Variants in PLD1 observed in about 807,000 individuals in gnomAD.
PLD1 encodes phospholipase D1.
Under a neutral mutation model 137.1 loss-of-function variants are expected in PLD1, and 112 were observed. That is an observed-to-expected ratio of 0.82 (90% CI 0.70 to 0.96). The LOEUF is 0.96. Among genes scored for constraint, PLD1 ranks in the 40% least tolerant of loss-of-function variants. The pLI is 0.00. For missense variants in PLD1, 1,321 were observed against 1,342.0 expected (o/e 0.98, Z 0.24); for synonymous variants, 431 against 454.7 (o/e 0.95, Z 0.66).
intron 20 of PLD1, among the ~76,000 whole-genome samples, chr3:171,660,447 TCTC>T (rs1216557626): frequency 1.6e-4 from 25 of 152,328 alleles, no homozygotes; most frequent in Non-Finnish European, 3.2e-4. Context: ...GTCCTTTACT[TCTC>T]CTTTTTTGGA....
chr3:171,662,019 G>C, intron 20 of PLD1, 41 bp downstream of exon 20: 1 of 1,093,372 alleles, frequency 9.1e-7, no homozygotes. Context: ...ATATTTAAGG[G>C]AAGGCAGTTT....
chr3:171,742,528 T>C (rs939835085), intron 1 of PLD1, among the ~76,000 whole-genome samples: 1 of 152,134 alleles, frequency 6.6e-6, no homozygotes, highest in African/African-American at 2.4e-5. Flanking sequence ...TTAACTGAGA[T>C]AAATAAATGC....
At chr3:171,712,307 T>C (rs1045283328) in intron 9 of PLD1, among the ~76,000 whole-genome samples, 1 of 152,170 alleles carries the variant, frequency 6.6e-6, no homozygotes, top group African/African-American at 2.4e-5. Flanking sequence ...TTTCTAGGGA[T>C]GGAGACGAGA....
intron 1 of PLD1, among the ~76,000 whole-genome samples, chr3:171,805,351 C>A (rs1229626535): frequency 6.6e-6 from 1 of 152,194 alleles, no homozygotes; most frequent in Non-Finnish European, 1.5e-5. Context: ...GGAAGCAAGA[C>A]CTGCCATGAC....
chr3:171,746,096 C>T (rs1316725546), intron 1 of PLD1, among the ~76,000 whole-genome samples: 1 of 152,208 alleles, frequency 6.6e-6, no homozygotes, highest in Non-Finnish European at 1.5e-5. Flanking sequence ...CTTGAATTCT[C>T]ACTGGGCCTC....
chr3:171,786,256 T>C (rs551839157), intron 1 of PLD1, among the ~76,000 whole-genome samples: 50 of 152,362 alleles, frequency 3.3e-4, no homozygotes, highest in African/African-American at 1.1e-3. Context: ...CTGCTCTTCA[T>C]CAATCCCAGT....
At chr3:171,766,253 T>G (rs1232401925) in intron 1 of PLD1, among the ~76,000 whole-genome samples, 3 of 152,208 alleles carry the variant, frequency 2.0e-5, no homozygotes, top group Non-Finnish European at 4.4e-5. Flanking sequence ...ATTTCTACTA[T>G]TATATGTTGG....
Position 171,639,629 on chromosome 3 carries a change from CTATATAATATATATTA to C in PLD1, c.2593+3195_2593+3210del, listed in dbSNP as rs1196650931. 5.7e-5 allele frequency among the ~76,000 whole-genome samples: 4 copies of C among 69,668 alleles called. 1 individual carries two copies. The highest frequency in any genetic ancestry group is 3.9e-4 in the East Asian group (1 of 2,592). 45.7% of individuals were successfully genotyped at this position (69,668 alleles called of 152,430 possible). On this transcript the variant is annotated intron_variant, in intron 23 of 26. Coordinates refer to ENST00000351298, the MANE Select transcript of PLD1 (RefSeq NM_002662.5). ...ATATATATTATATATAATATATATT[CTATATAATATATATTA>C]TATATAATATATATTCATATAATAT...
At chr3:171,656,650 T>A (rs964599928) in intron 21 of PLD1, among the ~76,000 whole-genome samples, 59 of 152,346 alleles carry the variant, frequency 3.9e-4, no homozygotes, top group African/African-American at 1.3e-3. Flanking sequence ...AAGCTCTCTG[T>A]AATCTTGCAA....
chr3:171,782,125 T>C (rs1722818037), intron 1 of PLD1, among the ~76,000 whole-genome samples: 1 of 152,182 alleles, frequency 6.6e-6, no homozygotes, highest in African/African-American at 2.4e-5. Context: ...AAAGAAGCCT[T>C]ACATAAAAGA....
intron 1 of PLD1, among the ~76,000 whole-genome samples, chr3:171,774,152 G>C (rs1384092220): frequency 6.6e-6 from 1 of 152,178 alleles, no homozygotes; most frequent in East Asian, 1.9e-4. Flanking sequence ...AACCCAGGTC[G>C]GTGCTCCTAG....
Position 171,677,854 on chromosome 3 carries a change from G to A in PLD1, c.1868-160C>T, listed in dbSNP as rs1428573621. 3 of 597,656 alleles carry A rather than the reference G, an allele frequency of 5.0e-6. No homozygotes were observed. In the South Asian group the frequency reaches 7.9e-5, roughly 16 times the overall value. 37.0% of individuals were successfully genotyped at this position (597,656 alleles called of 1,614,324 possible). ...CTATTACAGGCTGTGGGCTAACAAG[G>A]TTTTACAGTCCTTACAAGTTTACTT... is the stretch of plus-strand genomic sequence containing the variant. On this transcript the variant is annotated intron_variant, in intron 16 of 26. Transcript: ENST00000351298.
intron 16 of PLD1, among the ~76,000 whole-genome samples, chr3:171,686,364 C>T (rs1328002289): frequency 6.6e-6 from 1 of 152,158 alleles, no homozygotes; most frequent in African/African-American, 2.4e-5. Flanking sequence ...ACCCAAATGT[C>T]CCCTCCTCAA....
intron 1 of PLD1, among the ~76,000 whole-genome samples, chr3:171,805,947 A>G (rs1429356744): frequency 2.0e-5 from 3 of 152,204 alleles, no homozygotes; most frequent in Non-Finnish European, 2.9e-5. Context: ...AAGCCAAGGT[A>G]GGAGGACCAC....
At position 171,684,826 on chromosome 3, in the gene PLD1, ATCC is replaced by A. The variant is rs1476151984; in HGVS notation, c.1867+1856_1867+1858del. 5.9e-5 allele frequency among the ~76,000 whole-genome samples: 9 copies of A among 152,162 alleles called. No individual in the cohort carries two copies. In the East Asian group the frequency reaches 1.7e-3, roughly 29 times the overall value. On this transcript the variant is annotated intron_variant, in intron 16 of 26. Coordinates refer to ENST00000351298, the MANE Select transcript of PLD1 (RefSeq NM_002662.5). ...GGTCTTGAATTCCTGGGCTCAAGCAATCCTCCTGCTTCAGCCTCCCAAATTGCT... is the reference window on the plus strand; with the variant it reads ...GGTCTTGAATTCCTGGGCTCAAGCAATCCTGCTTCAGCCTCCCAAATTGCT...
intron 24 of PLD1, among the ~76,000 whole-genome samples, chr3:171,615,516 C>G (rs566862840): frequency 7.9e-5 from 12 of 152,304 alleles, no homozygotes; most frequent in African/African-American, 2.6e-4. Flanking sequence ...CATACCCTTC[C>G]CTCCCCAAGA....
intron 11 of PLD1, among the ~76,000 whole-genome samples, chr3:171,703,447 AC>A (rs575190239): frequency 2.6e-5 from 4 of 152,360 alleles, no homozygotes; most frequent in African/African-American, 9.6e-5. Flanking sequence ...TAAGCAATCT[AC>A]AAAAAAGCTA....
intron 23 of PLD1, among the ~76,000 whole-genome samples, chr3:171,639,842 C>CTATATA (rs1183896689): frequency 5.1e-5 from 6 of 118,226 alleles, no homozygotes; most frequent in East Asian, 4.6e-4. Context: ...CTCTCTCTCT[C>CTATATA]TCTCTCTATA....
intron 1 of PLD1, among the ~76,000 whole-genome samples, chr3:171,783,253 A>G (rs1259047238): frequency 6.6e-6 from 1 of 152,060 alleles, no homozygotes; most frequent in East Asian, 1.9e-4. Context: ...ATTTAATGTC[A>G]TCAGAGTGTT....
Sources: allele counts gnomAD v4.1 joint callset (sites outside exome capture counted in the v4.1 genomes callset), GRCh38; gene constraint gnomAD v4.1.1; transcripts MANE v1.5; gene names NCBI Gene and HGNC (gene_info 2026-07-23, HGNC 2026-07-21).